The following MSH3 variants were observed in gnomAD, a reference collection of about 807,000 sequenced individuals.
MSH3 encodes DNA mismatch repair protein Msh3.
MSH3 carries 106 observed loss-of-function variants against 123.3 expected under a neutral mutation model. The observed-to-expected ratio is 0.86, with a 90% CI of 0.73 to 1.01. The LOEUF (loss-of-function observed/expected upper bound fraction) is 1.01, where lower values mean the gene tolerates loss of function less well. Among genes scored for constraint, MSH3 ranks in the 50% least tolerant of loss-of-function variants. The pLI is 0.00. For synonymous variants in MSH3, 515 were observed against 481.4 expected (o/e 1.07, Z -0.91); for missense variants, 1,459 against 1,347.6 (o/e 1.08, Z -1.29).
chr5:80,688,839 T>C (rs1750158280), intron 8 of MSH3, among the ~76,000 whole-genome samples: 1 of 152,136 alleles, frequency 6.6e-6, no homozygotes, highest in Non-Finnish European at 1.5e-5. Context: ...GAAATGTTAT[T>C]AAGTGGTCGG....
intron 8 of MSH3, among the ~76,000 whole-genome samples, chr5:80,704,102 G>T (rs1750669008): frequency 2.0e-5 from 3 of 152,074 alleles, no homozygotes; most frequent in Admixed American, 6.5e-5. Flanking sequence ...TCTCAGTGGG[G>T]CTCCCTGATT....
At chr5:80,695,442 T>A (rs1202378769) in intron 8 of MSH3, among the ~76,000 whole-genome samples, 1 of 152,042 alleles carries the variant, frequency 6.6e-6, no homozygotes, top group Non-Finnish European at 1.5e-5. Flanking sequence ...TCAAGCAGTT[T>A]TCCTGCCTTA....
chr5:80,768,085 G>C lies in MSH3; in HGVS notation c.2049G>C (p.Glu683Asp), dbSNP rs1315205398. The C allele has an allele frequency of 6.2e-7, 1 of 1,613,698 alleles. No individual in the cohort carries two copies. Among genetic ancestry groups the C allele is most frequent in the Non-Finnish European group, 8.5e-7 (1 of 1,179,726 alleles). The part of the protein sequence containing the change: ...LEIPELLSPV[E>D]HYLKILNEQA... ...TTCCTGAACTCCTCAGTCCAGTGGA[G>C]CATTACTTAAAGATACTCAATGAAC... Residue 683 changes from glutamate (E) to aspartate (D), a missense_variant, in exon 14 of 24, where the codon GAG becomes GAC. Coordinates refer to ENST00000265081, the MANE Select transcript of MSH3 (RefSeq NM_002439.5).
In MSH3 at chr5:80,768,978, A is replaced by T. The variant is rs1744171476; in HGVS notation, c.2228A>T (p.Gln743Leu). 1 of 1,613,022 alleles carries T rather than the reference A, an allele frequency of 6.2e-7. No individual in the cohort carries two copies. The highest frequency in any genetic ancestry group is 1.3e-5 in the African/African-American group (1 of 75,020). The change falls in exon 15 of 24, where the codon CAA becomes CTA. Residue 743 changes from glutamine (Q) to leucine (L), a missense_variant. By Grantham distance (113) the Gln-to-Leu change is moderately radical (BLOSUM62 -2). Coordinates refer to ENST00000265081, the MANE Select transcript of MSH3 (RefSeq NM_002439.5). ...AAAATACTAAAAAATCCTTCTGCAC[A>T]ATATGTGACAGTATCAGGACAGGAG... ...IRKILKNPSA[Q>L]YVTVSGQEFM...
chr5:80,778,355 A>G (rs1744341283), intron 16 of MSH3, among the ~76,000 whole-genome samples: 1 of 152,214 alleles, frequency 6.6e-6, no homozygotes, highest in South Asian at 2.1e-4. Flanking sequence ...ACCTTCACCA[A>G]TGTATCTACC....
At chr5:80,738,184 G>A (rs910829598) in intron 10 of MSH3, among the ~76,000 whole-genome samples, 1 of 152,120 alleles carries the variant, frequency 6.6e-6, no homozygotes, top group African/African-American at 2.4e-5. Context: ...TTTTGATATT[G>A]CAGATATTTG....
chr5:80,753,794 G>A (rs573307578), intron 12 of MSH3, among the ~76,000 whole-genome samples: 62 of 152,084 alleles, frequency 4.1e-4, no homozygotes, highest in Non-Finnish European at 7.2e-4. Flanking sequence ...AGTTTTAAAC[G>A]TGTAGCTTCC....
At chr5:80,746,716 C>A in intron 12 of MSH3, 1 of 380,216 alleles carries the variant, frequency 2.6e-6, no homozygotes, top group Non-Finnish European at 5.3e-6. Context: ...TCTCCATCAT[C>A]CATTCTCATA....
intron 16 of MSH3, among the ~76,000 whole-genome samples, chr5:80,777,086 C>T (rs1369169374): frequency 6.6e-6 from 1 of 151,822 alleles, no homozygotes; most frequent in Non-Finnish European, 1.5e-5. Flanking sequence ...CACCTGCCAC[C>T]ACAGACGGCT....
chr5:80,854,246 T>C lies in MSH3; in HGVS notation c.2930T>C (p.Leu977Pro). The C allele has an allele frequency of 6.2e-7, 1 of 1,613,934 alleles. No homozygotes were observed. Among genetic ancestry groups the C allele is most frequent in the South Asian group, 1.1e-5 (1 of 91,068 alleles). ...CAGTCCTTGGTTATCTTGGATGAAC[T>C]AGGAAGAGGGACGAGCACTCATGAT... ...TSQSLVILDE[L>P]GRGTSTHDGI... The change falls in exon 21 of 24, where the codon CTA becomes CCA. Residue 977 changes from leucine (L) to proline (P), a missense_variant. By Grantham distance (98) the Leu-to-Pro change is moderately conservative (BLOSUM62 -3). Coordinates refer to ENST00000265081, the MANE Select transcript of MSH3 (RefSeq NM_002439.5).
intron 10 of MSH3, among the ~76,000 whole-genome samples, chr5:80,729,460 G>GTGTGTGTGTGTGTGTGTGTA (rs1277559108): frequency 5.8e-4 from 55 of 95,026 alleles, no homozygotes; most frequent in Non-Finnish European, 9.7e-4. Context: ...GTGTGTGTGT[G>GTGTGTGTGTGTGTGTGTGTA]TATATATATA....
chr5:80,757,897 TGTA>T (rs1743956372), intron 12 of MSH3, among the ~76,000 whole-genome samples: 1 of 152,214 alleles, frequency 6.6e-6, no homozygotes, highest in Admixed American at 6.6e-5. Flanking sequence ...TATTTAAAAA[TGTA>T]GTCATTCTTG....
intron 2 of MSH3, among the ~76,000 whole-genome samples, chr5:80,661,266 TG>T (rs1276602659): frequency 2.0e-5 from 3 of 152,182 alleles, no homozygotes; most frequent in Non-Finnish European, 4.4e-5. Flanking sequence ...TGTCTCCTTC[TG>T]AGAGTTTATT....
intron 9 of MSH3, among the ~76,000 whole-genome samples, chr5:80,726,817 A>G: frequency 6.6e-6 from 1 of 152,174 alleles, no homozygotes; most frequent in Non-Finnish European, 1.5e-5. Context: ...CCGAGAGGTC[A>G]TCTTATGTTC....
intron 20 of MSH3, among the ~76,000 whole-genome samples, chr5:80,851,561 T>G (rs1001370743): frequency 2.6e-5 from 4 of 152,156 alleles, no homozygotes; most frequent in African/African-American, 9.6e-5. Context: ...TCATTATAAT[T>G]ACTGTAAGTT....
chr5:80,770,729 C>G (rs1040849272), intron 15 of MSH3, among the ~76,000 whole-genome samples: 60 of 152,070 alleles, frequency 3.9e-4, no homozygotes, highest in African/African-American at 1.4e-3. Context: ...ATTCTCAACA[C>G]CATGGATTTT....
intron 19 of MSH3, among the ~76,000 whole-genome samples, chr5:80,802,200 T>C (rs1023318230): frequency 2.0e-5 from 3 of 152,176 alleles, no homozygotes; most frequent in African/African-American, 7.2e-5. Context: ...AAATAGCCAT[T>C]TTTTATATAA....
In MSH3 at chr5:80,793,586, A is replaced by G. The variant is rs539728469; in HGVS notation, c.2655+742A>G. On this transcript the variant is annotated intron_variant, in intron 19 of 23. Coordinates refer to ENST00000265081, the MANE Select transcript of MSH3 (RefSeq NM_002439.5). ...CTGAAGAATGAGTCAGTGCAGGCCA[A>G]GGTATTGAAGGGGAGTATTCCAGGT... Among the ~76,000 whole-genome samples, 4 of 152,276 alleles carry G rather than the reference A, an allele frequency of 2.6e-5. No homozygotes were observed. The South Asian group carries it at 8.3e-4, about 32-fold the overall frequency.
chr5:80,693,559 TTATA>T (rs931577023), intron 8 of MSH3, among the ~76,000 whole-genome samples: 41 of 144,710 alleles, frequency 2.8e-4, no homozygotes, highest in Admixed American at 5.4e-4. Flanking sequence ...ATGTATGTGT[TTATA>T]TAAATATATA....
Sources: allele counts gnomAD v4.1 joint callset (sites outside exome capture counted in the v4.1 genomes callset), GRCh38; gene constraint gnomAD v4.1.1; transcripts MANE v1.5; gene names NCBI Gene and HGNC (gene_info 2026-07-23, HGNC 2026-07-21).